MARK1: variants seen among roughly 807,000 people sequenced by gnomAD.
MARK1 encodes the protein microtubule affinity regulating kinase 1.
In MARK1, 40 loss-of-function variants were observed where a neutral mutation model predicts 96.3. The observed-to-expected ratio is 0.42, with a 90% confidence interval of 0.32 to 0.54. The LOEUF (loss-of-function observed/expected upper bound fraction) is 0.54, where lower values mean the gene tolerates loss of function less well. MARK1 is among the 20% of genes least tolerant of loss of function. The pLI, the probability that MARK1 is intolerant of heterozygous loss-of-function variation, is 0.16. For missense variants in MARK1, 719 were observed against 984.6 expected, an observed-to-expected ratio of 0.73 and a Z score of 3.61; for synonymous variants, 317 against 341.2, an observed-to-expected ratio of 0.93 and a Z score of 0.78.
At chr1:220,613,387 G>A (rs1447851554) in intron 6 of MARK1, among the ~76,000 whole-genome samples, 1 of 152,166 alleles carries the variant, frequency 6.6e-6, no homozygotes, top group Non-Finnish European at 1.5e-5. Context: ...CATTCTTGAT[G>A]CTTTGAGGCT....
chr1:220,580,228 A>G (rs1664141685), intron 2 of MARK1, among the ~76,000 whole-genome samples: 1 of 152,088 alleles, frequency 6.6e-6, no homozygotes, highest in Non-Finnish European at 1.5e-5. Flanking sequence ...CATGCCTGCA[A>G]TCTCAGCACC....
In MARK1 at chr1:220,653,167, G is replaced by T; in HGVS notation, c.1803G>T (p.Arg601=). 1 of 1,614,168 alleles carries T rather than the reference G, an allele frequency of 6.2e-7. No homozygotes were observed. The highest frequency in any genetic ancestry group is 1.1e-5 in the South Asian group (1 of 91,076). The part of the protein sequence containing the change: ...AHSISTATPD[R]TRFPRGSSSR... The stretch of plus-strand genomic sequence containing the variant: ...GTATTAGTACTGCGACTCCAGACCG[G>T]ACCCGTTTTCCCCGAGGGAGCTCAA... Residue 601 remains arginine (R), a synonymous_variant, in exon 16 of 18, where the codon CGG becomes CGT. Coordinates refer to ENST00000366917, the MANE Select transcript of MARK1 (RefSeq NM_018650.5).
chr1:220,538,444 TTTTGGTACC>T lies in MARK1; in HGVS notation c.51+9572_51+9580del, dbSNP rs1219345780. ...TCTGTTGCATTGATCTATATCTCTA[TTTTGGTACC>T]AGTACCATGCTGTTTTGGTTACTGT... On this transcript the variant is annotated intron_variant, in intron 1 of 17. Coordinates refer to ENST00000366917, the MANE Select transcript of MARK1 (RefSeq NM_018650.5). Among the ~76,000 whole-genome samples, 3 of 152,038 alleles carry T rather than the reference TTTTGGTACC, an allele frequency of 2.0e-5. No individual in the cohort carries two copies. In the East Asian group the frequency reaches 5.8e-4, roughly 29 times the overall value.
In MARK1 at chr1:220,618,974, C is replaced by T. The variant is rs1296749828; in HGVS notation, c.909+219C>T. Among the ~76,000 whole-genome samples, 2 of 151,842 alleles carry T rather than the reference C, an allele frequency of 1.3e-5. No homozygotes were observed. The highest frequency in any genetic ancestry group is 2.9e-5 in the Non-Finnish European group (2 of 67,996). ...TTATTTCCTCTTTGTTCTGCAGTGC[C>T]GTATTAAATAAAAACAACACAAAAA... On this transcript the variant is annotated intron_variant, in intron 9 of 17. Coordinates refer to ENST00000366917, the MANE Select transcript of MARK1 (RefSeq NM_018650.5). This position sits in a 1 kb window ranked among gnomAD's most constrained non-coding sequence, Gnocchi z 4.6.
At chr1:220,547,972 A>G (rs1661614117) in intron 1 of MARK1, among the ~76,000 whole-genome samples, 1 of 152,254 alleles carries the variant, frequency 6.6e-6, no homozygotes, top group Non-Finnish European at 1.5e-5. Flanking sequence ...TGATACCTGC[A>G]CTTTGCAGAA....
At position 220,635,840 on chromosome 1, in the gene MARK1, A is replaced by G; in HGVS notation, c.1284A>G (p.Pro428=). Residue 428 remains proline, a synonymous_variant, in exon 13 of 18, where the codon CCA becomes CCG. Coordinates refer to ENST00000366917, the MANE Select transcript of MARK1 (RefSeq NM_018650.5). ...KQRRFSDHAG[P]SIPPAVSYTK... is the part of the protein sequence containing the mutation. ...TTTTTAAAAAAATTATAGCTGGTCC[A>G]TCCATTCCTCCTGCTGTATCATATA... 6.3e-7 allele frequency: 1 copy of G among 1,589,078 alleles called. No homozygotes were observed. Among genetic ancestry groups the G allele is most frequent in the South Asian group, 1.2e-5 (1 of 85,878 alleles).
chr1:220,531,407 C>T (rs1430839444), intron 1 of MARK1, among the ~76,000 whole-genome samples: 1 of 152,038 alleles, frequency 6.6e-6, no homozygotes, highest in East Asian at 1.9e-4. Flanking sequence ...ATTTTATTTT[C>T]CTTAGAAATT....
chr1:220,557,558 C>CA (rs553520523), intron 1 of MARK1, among the ~76,000 whole-genome samples: 3 of 145,722 alleles, frequency 2.1e-5, no homozygotes, highest in East Asian at 2.0e-4. Flanking sequence ...GACTCTGTCT[C>CA]AAAAAAAAAG....
In MARK1 at chr1:220,616,006, G is replaced by T; in HGVS notation, c.552+11G>T. ...CACCGTGATCTTAAGGTAAGCTTCT[G>T]AGTGTAATTTTTTTAAAAAAAAAAT... On this transcript the variant is annotated intron_variant, in intron 7 of 17. Transcript: ENST00000366917. The T allele has an allele frequency of 1.4e-6, 2 of 1,445,238 alleles. No individual in the cohort carries two copies. Among genetic ancestry groups the T allele is most frequent in the South Asian group, 2.5e-5 (2 of 78,750 alleles). 89.5% of individuals were successfully genotyped at this position (1,445,238 alleles called of 1,614,324 possible).
At chr1:220,531,471 T>C (rs1458511539) in intron 1 of MARK1, among the ~76,000 whole-genome samples, 1 of 152,160 alleles carries the variant, frequency 6.6e-6, no homozygotes, top group East Asian at 1.9e-4. Context: ...CGTTGTCGTT[T>C]GCAGTTAATA....
At chr1:220,541,615 A>C (rs1384273214) in intron 1 of MARK1, among the ~76,000 whole-genome samples, 2 of 152,154 alleles carry the variant, frequency 1.3e-5, no homozygotes, top group African/African-American at 4.8e-5. Context: ...TATAATTGTT[A>C]TAGCTTCCTC....
intron 1 of MARK1, among the ~76,000 whole-genome samples, chr1:220,531,682 CTA>C (rs1660326169): frequency 6.6e-6 from 1 of 152,070 alleles, no homozygotes; most frequent in Non-Finnish European, 1.5e-5. Context: ...TAAGAACAGT[CTA>C]TGTGTACTTT....
At chr1:220,540,934 C>T (rs567009129) in intron 1 of MARK1, among the ~76,000 whole-genome samples, 1 of 151,496 alleles carries the variant, frequency 6.6e-6, no homozygotes, top group African/African-American at 2.4e-5. Context: ...TGAAGTCTCT[C>T]TCTTTTTTTT....
intron 1 of MARK1, among the ~76,000 whole-genome samples, chr1:220,578,097 A>G (rs895620186): frequency 6.6e-6 from 1 of 152,224 alleles, no homozygotes; most frequent in Non-Finnish European, 1.5e-5. Context: ...TTGCTTTTAC[A>G]GGTGGGGCAA....
At chr1:220,590,960 A>C (rs1213469049) in intron 3 of MARK1, among the ~76,000 whole-genome samples, 3 of 152,162 alleles carry the variant, frequency 2.0e-5, no homozygotes, top group Admixed American at 2.0e-4. Context: ...ATTCCAGTTA[A>C]AGTTCTGATT....
chr1:220,637,728 C>T (rs1668043892), intron 13 of MARK1, among the ~76,000 whole-genome samples: 1 of 150,200 alleles, frequency 6.7e-6, no homozygotes, highest in African/African-American at 2.5e-5. Flanking sequence ...CAGTAAGCAG[C>T]AAACATGAGT....
At chr1:220,534,827 T>G (rs544151615) in intron 1 of MARK1, among the ~76,000 whole-genome samples, 1 of 152,304 alleles carries the variant, frequency 6.6e-6, no homozygotes, top group Non-Finnish European at 1.5e-5. Flanking sequence ...CTCTTAAGGT[T>G]CATCCATGTT....
intron 3 of MARK1, among the ~76,000 whole-genome samples, chr1:220,591,097 T>G (rs1664951816): frequency 6.6e-6 from 1 of 152,186 alleles, no homozygotes; most frequent in African/African-American, 2.4e-5. Context: ...ATCCTGTCCC[T>G]CAGCTCATGT....
chr1:220,602,419 C>A (rs1262629956), intron 5 of MARK1, among the ~76,000 whole-genome samples: 1 of 152,028 alleles, frequency 6.6e-6, no homozygotes, highest in Non-Finnish European at 1.5e-5. Flanking sequence ...AAGTCCCTAC[C>A]CTCAAGACAC....
Sources: gnomAD v4.1 joint callset for allele counts (sites outside exome capture counted in the v4.1 genomes callset) on GRCh38, gnomAD v4.1.1 for gene constraint, Gnocchi (gnomAD v3.1) non-coding constraint, MANE v1.5 for transcripts, NCBI Gene and HGNC (gene_info 2026-07-23, HGNC 2026-07-21) for gene names.